Variants in IMPG1 observed in about 807,000 individuals in gnomAD.
IMPG1 encodes interphotoreceptor matrix proteoglycan of 150 kDa.
IMPG1 carries 85 observed loss-of-function variants against 92.0 expected under a neutral mutation model. The ratio of observed to expected loss-of-function variants is 0.92; its 90% CI spans 0.78 to 1.11. The LOEUF (loss-of-function observed/expected upper bound fraction) is 1.11. Among genes scored for constraint, IMPG1 ranks in the 50% least tolerant of loss-of-function variants. IMPG1 has a pLI of 0.00. For synonymous variants in IMPG1, 367 were observed against 334.1 expected (o/e 1.10, Z -1.08); for missense variants, 1,022 against 956.0 (o/e 1.07, Z -0.91).
chr6:76,022,024 T>C, intron 6 of IMPG1, 92 bp downstream of exon 6: 1 of 665,480 alleles, frequency 1.5e-6, no homozygotes, highest in Non-Finnish European at 2.7e-6. Context: ...CTAATATTAT[T>C]TAAAGGATGG....
At chr6:75,952,666 C>T (rs879414743) in intron 12 of IMPG1, among the ~76,000 whole-genome samples, 6 of 152,198 alleles carry the variant, frequency 3.9e-5, no homozygotes, top group East Asian at 1.9e-4. Context: ...CTTGTATGTT[C>T]GGGCTCTAAT....
chr6:75,990,369 A>G (rs998025157), intron 12 of IMPG1, among the ~76,000 whole-genome samples: 1 of 152,172 alleles, frequency 6.6e-6, no homozygotes, highest in African/African-American at 2.4e-5. Context: ...ATAGAAGAAG[A>G]AGCTGAAAAT....
At chr6:76,014,255 A>T (rs1783244318) in intron 7 of IMPG1, among the ~76,000 whole-genome samples, 1 of 152,118 alleles carries the variant, frequency 6.6e-6, no homozygotes, top group African/African-American at 2.4e-5. Context: ...CTGAGAGCCC[A>T]TTTTTCTCTT....
chr6:76,014,272 C>T (rs962464897), intron 7 of IMPG1, among the ~76,000 whole-genome samples: 1 of 152,196 alleles, frequency 6.6e-6, no homozygotes, highest in African/African-American at 2.4e-5. Context: ...TCTTACTCCC[C>T]CAAGTGAGCA....
intron 1 of IMPG1, among the ~76,000 whole-genome samples, chr6:76,050,420 G>A (rs557296948): frequency 6.6e-6 from 1 of 152,194 alleles, no homozygotes; most frequent in East Asian, 1.9e-4. Context: ...TCCAGCCTGG[G>A]TGACAGAGTG....
chr6:76,022,030 G>A (rs1783436770), intron 6 of IMPG1, 86 bp downstream of exon 6: 1 of 696,432 alleles, frequency 1.4e-6, no homozygotes, highest in African/African-American at 1.8e-5. Flanking sequence ...TTATTTAAAG[G>A]ATGGTTTATC....
At position 75,984,772 on chromosome 6, in the gene IMPG1, C is replaced by T. The variant is rs554870460; in HGVS notation, c.1291+18146G>A. Among the ~76,000 whole-genome samples, 3 of 152,188 alleles carry T rather than the reference C, an allele frequency of 2.0e-5. No individual in the cohort carries two copies. In the South Asian group the frequency reaches 6.2e-4, roughly 32 times the overall value. On this transcript the variant is annotated intron_variant, in intron 12 of 16. Transcript: ENST00000369950. ...CCTTCACGAATGGCTTAGTGCCATC[C>T]CCTTGGCTAGGATTGAGTTCTTGCT...
intron 9 of IMPG1, among the ~76,000 whole-genome samples, chr6:76,005,814 T>A (rs1198810933): frequency 6.6e-6 from 1 of 151,794 alleles, no homozygotes; most frequent in African/African-American, 2.4e-5. Context: ...AGATTTTTAC[T>A]TTAGGTTTTT....
chr6:75,999,106 C>T (rs1237342441), intron 12 of IMPG1, among the ~76,000 whole-genome samples: 1 of 152,164 alleles, frequency 6.6e-6, no homozygotes, highest in Non-Finnish European at 1.5e-5. Context: ...ATCTGCCTGC[C>T]TCGGCCTCCC....
chr6:75,937,504 G>A (rs144888286), intron 14 of IMPG1, among the ~76,000 whole-genome samples: 139 of 152,242 alleles, frequency 9.1e-4, no homozygotes, highest in African/African-American at 3.1e-3. Context: ...CATCTGCAGC[G>A]TTTGGTAATA....
intron 14 of IMPG1, among the ~76,000 whole-genome samples, chr6:75,945,221 A>G (rs1447081208): frequency 1.3e-5 from 2 of 152,216 alleles, no homozygotes; most frequent in Admixed American, 6.5e-5. Context: ...AATTATGACA[A>G]TGTTGCAATA....
intron 12 of IMPG1, among the ~76,000 whole-genome samples, chr6:75,996,464 C>A (rs1035170748): frequency 7.2e-5 from 11 of 152,280 alleles, no homozygotes; most frequent in African/African-American, 2.6e-4. Context: ...GCATAAGAGG[C>A]AGGATTTATC....
At chr6:75,976,459 G>A (rs1033834126) in intron 12 of IMPG1, among the ~76,000 whole-genome samples, 5 of 152,238 alleles carry the variant, frequency 3.3e-5, no homozygotes, top group African/African-American at 9.6e-5. Context: ...CTACTTGGGA[G>A]GCTGAGGCAG....
chr6:75,996,605 G>A lies in IMPG1; in HGVS notation c.1291+6313C>T, dbSNP rs377033785. 5.9e-5 allele frequency among the ~76,000 whole-genome samples: 9 copies of A among 152,264 alleles called. No homozygotes were observed. The East Asian group carries it at 1.4e-3, about 23-fold the overall frequency. On this transcript the variant is annotated intron_variant, in intron 12 of 16. Transcript: ENST00000369950. ...CCTGGAAAAAGGGTGGTCATGAGGA[G>A]GGCTTTGAGGGAATGAGGGCTTAAC...
intron 12 of IMPG1, among the ~76,000 whole-genome samples, chr6:75,978,980 T>C (rs1005497177): frequency 2.0e-5 from 3 of 152,136 alleles, no homozygotes; most frequent in African/African-American, 7.2e-5. Flanking sequence ...GACATGAACA[T>C]GACTCACTGA....
intron 1 of IMPG1, 114 bp downstream of exon 1, chr6:76,072,308 C>T: frequency 3.6e-6 from 2 of 559,152 alleles, no homozygotes; most frequent in Non-Finnish European, 3.2e-6. Flanking sequence ...TATTCAAGGC[C>T]TACTATATAC....
intron 1 of IMPG1, among the ~76,000 whole-genome samples, chr6:76,060,881 G>A (rs1055791316): frequency 1.3e-5 from 2 of 152,098 alleles, no homozygotes; most frequent in Non-Finnish European, 1.5e-5. Context: ...ATTACAACAT[G>A]TATTCTCAAT....
Position 75,956,582 on chromosome 6 carries a change from C to G in IMPG1, c.1292-5488G>C, listed in dbSNP as rs1041555695. Reference sequence around the variant, plus strand: ...TGATTTTTTGAAGTGCTTTTCATGTCTCTATCTTCTTCACTTCTGCTCTCA... The same window carrying G: ...TGATTTTTTGAAGTGCTTTTCATGTGTCTATCTTCTTCACTTCTGCTCTCA... On this transcript the variant is annotated intron_variant, in intron 12 of 16. Transcript: ENST00000369950. 2.0e-5 allele frequency among the ~76,000 whole-genome samples: 3 copies of G among 152,008 alleles called. No homozygotes were observed. In the East Asian group the frequency reaches 5.8e-4, roughly 29 times the overall value.
At position 76,011,198 on chromosome 6, in the gene IMPG1, TG is replaced by T; in HGVS notation, c.833del (p.Pro278GlnfsTer9). On this transcript the variant is annotated frameshift_variant, in exon 8 of 17. Coordinates refer to ENST00000369950, the MANE Select transcript of IMPG1 (RefSeq NM_001563.4). LOFTEE classifies it high-confidence loss of function. ...LQMQKIFKKL[P>X]GFKKIHVLGF... ...CTAACACATGGATTTTTTTGAATCC[TG>T]GAAGTTTCTTAAATATCTTTTGCAT... The T allele has an allele frequency of 6.4e-7, 1 of 1,553,948 alleles. No homozygotes were observed. Among genetic ancestry groups the T allele is most frequent in the Non-Finnish European group, 8.9e-7 (1 of 1,126,404 alleles).
Sources: gnomAD v4.1 joint callset for allele counts (sites outside exome capture counted in the v4.1 genomes callset) on GRCh38, gnomAD v4.1.1 for gene constraint, MANE v1.5 for transcripts, NCBI Gene and HGNC (gene_info 2026-07-23, HGNC 2026-07-21) for gene names.